RTN4: variants seen among roughly 807,000 people sequenced by gnomAD.
RTN4 encodes the protein reticulon-4.
A neutral mutation model predicts 90.4 loss-of-function variants in RTN4; 32 were observed. The observed-to-expected ratio is 0.35, with a 90% CI of 0.27 to 0.48. The LOEUF (loss-of-function observed/expected upper bound fraction) is 0.48, where lower values mean the gene tolerates loss of function less well. Ranked by LOEUF, RTN4 falls within the 20% of genes least tolerant of loss-of-function variation. RTN4 has a pLI of 0.99. For synonymous variants in RTN4, 629 were observed against 552.5 expected (o/e 1.14, Z -1.94); for missense variants, 1,706 against 1,430.2 (o/e 1.19, Z -3.11).
At chr2:54,985,817 T>G (rs1002470094) in intron 4 of RTN4, among the ~76,000 whole-genome samples, 1 of 152,362 alleles carries the variant, frequency 6.6e-6, no homozygotes, top group South Asian at 2.1e-4. Flanking sequence ...CATAGTCATA[T>G]GCCCAAACAG....
At chr2:54,993,637 A>C (rs1303659256) in intron 3 of RTN4, among the ~76,000 whole-genome samples, 1 of 152,212 alleles carries the variant, frequency 6.6e-6, no homozygotes, top group Admixed American at 6.5e-5. Flanking sequence ...ACACATACTG[A>C]ATAAAAATAT....
rs559879194 is a variant in RTN4 at position 55,066,252 on chromosome 2, T to C, written c.-63+14237A>G. Among the ~76,000 whole-genome samples the C allele has an allele frequency of 2.6e-5, 4 of 152,086 alleles. No homozygotes were observed. The South Asian group carries it at 8.3e-4, about 32-fold the overall frequency. The stretch of plus-strand genomic sequence containing the variant: ...TTTAATAGCTACATGTTTGATTGTA[T>C]ATGCATGGGCAGTTCCTGGAAGGAC... On this transcript the variant is annotated intron_variant, in intron 2 of 3. Coordinates refer to the RTN4 transcript ENST00000427710.
intron 5 of RTN4, among the ~76,000 whole-genome samples, chr2:54,979,344 T>C (rs3207146): frequency 6.6e-6 from 1 of 152,140 alleles, no homozygotes; most frequent in South Asian, 2.1e-4. Flanking sequence ...AGGCGTGAGC[T>C]ACTGTGCATG....
At chr2:54,973,281 A>C in intron 8 of RTN4, 83 bp from the exon 9 acceptor site, 1 of 1,191,720 alleles carries the variant, frequency 8.4e-7, no homozygotes, top group Non-Finnish European at 1.2e-6. Flanking sequence ...CTTGTATGTT[A>C]TTCAGCTAAT....
intron 5 of RTN4, among the ~76,000 whole-genome samples, chr2:54,981,741 T>A (rs1678146013): frequency 6.6e-6 from 1 of 152,158 alleles, no homozygotes; most frequent in Non-Finnish European, 1.5e-5. Context: ...AGTTGAAGAT[T>A]AGTTGAAGTG....
upstream of RTN4, among the ~76,000 whole-genome samples, chr2:55,115,705 A>G (rs1256535798): frequency 6.6e-6 from 1 of 152,200 alleles, no homozygotes; most frequent in African/African-American, 2.4e-5. Flanking sequence ...TCAATAGAAG[A>G]AAAGCATTCT....
intron 3 of RTN4, among the ~76,000 whole-genome samples, chr2:55,003,381 C>A (rs762536445): frequency 6.6e-6 from 1 of 151,956 alleles, no homozygotes; most frequent in Non-Finnish European, 1.5e-5. Flanking sequence ...TGAAGAAAGA[C>A]GACACAAAAT....
At chr2:55,016,238 AATAT>A (rs1681025248) in intron 3 of RTN4, among the ~76,000 whole-genome samples, 1 of 152,210 alleles carries the variant, frequency 6.6e-6, no homozygotes, top group African/African-American at 2.4e-5. Flanking sequence ...GCTTATAAAC[AATAT>A]ATAGAGTATG....
intron 1 of RTN4, among the ~76,000 whole-genome samples, chr2:55,106,880 T>G (rs1667953164): frequency 6.6e-6 from 1 of 152,202 alleles, no homozygotes; most frequent in Non-Finnish European, 1.5e-5. Flanking sequence ...TTTGAATGTT[T>G]AAAGAAAGTG....
intron 1 of RTN4, among the ~76,000 whole-genome samples, chr2:55,030,772 C>T (rs887596511): frequency 1.3e-5 from 2 of 152,164 alleles, no homozygotes; most frequent in Non-Finnish European, 2.9e-5. Flanking sequence ...GCTTCATCTT[C>T]TGAAGGATGT....
chr2:54,988,358 G>A (rs555473104), intron 3 of RTN4, among the ~76,000 whole-genome samples: 1 of 152,172 alleles, frequency 6.6e-6, no homozygotes, highest in Admixed American at 6.5e-5. Context: ...TACAATGCAT[G>A]CTATATATTC....
rs143392761 is a variant in RTN4, at chr2:55,083,011, G to T, written c.-213-2372C>A. 1.0e-2 allele frequency among the ~76,000 whole-genome samples: 1,515 copies of T among 151,994 alleles called. 6 individuals carry two copies. The highest frequency in any genetic ancestry group is 0.015 in the Non-Finnish European group (1,016 of 67,978). ...TCAGGTCTAAAGCTTTTCAAATTTCGTGTTTTACCCACCAAGCTGCATTAT... is the reference window on the plus strand; with the variant it reads ...TCAGGTCTAAAGCTTTTCAAATTTCTTGTTTTACCCACCAAGCTGCATTAT... On this transcript the variant is annotated intron_variant, in intron 1 of 3. Coordinates refer to the RTN4 transcript ENST00000427710.
chr2:55,097,507 A>G (rs981204176), intron 1 of RTN4, among the ~76,000 whole-genome samples: 12 of 152,080 alleles, frequency 7.9e-5, no homozygotes, highest in African/African-American at 2.9e-4. Flanking sequence ...GAGCAGTTGG[A>G]AGACACTTGC....
At chr2:54,977,735 T>G (rs1195008623) in intron 5 of RTN4, among the ~76,000 whole-genome samples, 1 of 152,200 alleles carries the variant, frequency 6.6e-6, no homozygotes, top group Non-Finnish European at 1.5e-5. Flanking sequence ...ATTTTTGCCA[T>G]ACTATTTGAC....
chr2:55,114,730 A>G (rs139487761), upstream of RTN4, among the ~76,000 whole-genome samples: 953 of 152,250 alleles, frequency 6.3e-3, 8 homozygotes, highest in Non-Finnish European at 9.4e-3. Flanking sequence ...AAGTAACTCC[A>G]GAGAACCACA....
chr2:55,045,552 C>T (rs1006016398), intron 1 of RTN4, among the ~76,000 whole-genome samples: 9 of 152,142 alleles, frequency 5.9e-5, no homozygotes, highest in East Asian at 1.9e-4. Flanking sequence ...ACTGCTTTCA[C>T]GGTGCCTTGC....
intron 5 of RTN4, among the ~76,000 whole-genome samples, chr2:54,975,924 G>T (rs1410986227): frequency 6.6e-6 from 1 of 152,124 alleles, no homozygotes; most frequent in African/African-American, 2.4e-5. Context: ...ATTTTTTTAA[G>T]CTGCCGTATT....
chr2:54,997,165 A>G (rs1428466621), intron 3 of RTN4, among the ~76,000 whole-genome samples: 3 of 152,240 alleles, frequency 2.0e-5, no homozygotes, highest in African/African-American at 4.8e-5. Flanking sequence ...AACTTTTACA[A>G]CAGTAAAAAA....
Position 54,973,019 on chromosome 2 carries a change from G to A in RTN4, c.*137C>T. ...GTAATTTTTCCTCACAACAGTGCAT[G>A]GCTAAAAATAAAGATCTAACAACGA... is the stretch of plus-strand genomic sequence containing the variant. On this transcript the variant is annotated 3_prime_UTR_variant, in exon 9 of 9. Coordinates refer to ENST00000337526, the MANE Select transcript of RTN4 (RefSeq NM_020532.5). 1.5e-6 allele frequency: 1 copy of A among 659,374 alleles called. No homozygotes were observed. The highest frequency in any genetic ancestry group is 2.7e-5 in the East Asian group (1 of 36,424). 40.8% of individuals were successfully genotyped at this position (659,374 alleles called of 1,614,324 possible). A position where few individuals can be genotyped will look rare whatever the true frequency, so the allele number is the denominator to read the frequency against.
Sources: gnomAD v4.1 joint callset for allele counts (sites outside exome capture counted in the v4.1 genomes callset) on GRCh38, gnomAD v4.1.1 for gene constraint, MANE v1.5 for transcripts, NCBI Gene and HGNC (gene_info 2026-07-23, HGNC 2026-07-21) for gene names.